Variants in ABI3 observed in about 807,000 individuals in gnomAD.
ABI3 encodes the protein ABI gene family member 3.
A neutral mutation model predicts 37.0 loss-of-function variants in ABI3; 24 were observed. That is an observed-to-expected ratio of 0.65 (90% CI 0.47 to 0.91). The LOEUF (loss-of-function observed/expected upper bound fraction) is 0.91, where lower values mean the gene tolerates loss of function less well. Ranked by LOEUF, ABI3 falls within the 40% of genes least tolerant of loss-of-function variation. The pLI is 0.00. For synonymous variants in ABI3, 220 were observed against 211.8 expected, an observed-to-expected ratio of 1.04 and a Z score of -0.34; for missense variants, 481 against 485.1, an observed-to-expected ratio of 0.99 and a Z score of 0.08.
chr17:49,211,788 G>A (rs2043170215), intron 1 of ABI3, among the ~76,000 whole-genome samples: 1 of 152,110 alleles, frequency 6.6e-6, no homozygotes, highest in Non-Finnish European at 1.5e-5. Context: ...GGAATTACAG[G>A]CATGCACCAC....
chr17:49,216,605 G>A lies in ABI3; in HGVS notation c.192G>A (p.Gln64=). 1 of 1,611,816 alleles carries A rather than the reference G, an allele frequency of 6.2e-7. No homozygotes were observed. The highest frequency in any genetic ancestry group is 8.5e-7 in the Non-Finnish European group (1 of 1,179,204). The part of the protein sequence containing the change: ...TTQALASVAY[Q]VGNLAGHTLR... ...AGGCACTGGCCAGCGTGGCCTACCA[G>A]GTGGGCAACCTGGCCGGGCACACTC... Residue 64 remains glutamine (Q), a synonymous_variant, in exon 2 of 8, where the codon CAG becomes CAA. Coordinates refer to ENST00000225941, the MANE Select transcript of ABI3 (RefSeq NM_016428.3).
At chr17:49,216,806 A>C (rs931496051) in intron 2 of ABI3, 108 bp downstream of exon 2, 2 of 1,266,750 alleles carry the variant, frequency 1.6e-6, no homozygotes, top group Non-Finnish European at 2.1e-6. Context: ...CTCCATGTCC[A>C]AATGCCCAAC....
At chr17:49,213,763 C>T (rs2043193398) in intron 1 of ABI3, among the ~76,000 whole-genome samples, 1 of 152,166 alleles carries the variant, frequency 6.6e-6, no homozygotes, top group African/African-American at 2.4e-5. Context: ...AACAATTCCA[C>T]ATGTTCGTTT....
intron 1 of ABI3, among the ~76,000 whole-genome samples, chr17:49,214,195 C>T (rs536025547): frequency 1.3e-5 from 2 of 152,246 alleles, no homozygotes; most frequent in East Asian, 3.9e-4. Context: ...GAGGGGCACC[C>T]GAGGGCTCAA....
chr17:49,220,705 G>A (rs1401181121), intron 6 of ABI3, among the ~76,000 whole-genome samples: 1 of 152,012 alleles, frequency 6.6e-6, no homozygotes, highest in Non-Finnish European at 1.5e-5. Flanking sequence ...TTGACCGGGC[G>A]TGGTGGCGCA....
chr17:49,214,329 G>T (rs764369898), intron 1 of ABI3, among the ~76,000 whole-genome samples: 12 of 152,262 alleles, frequency 7.9e-5, no homozygotes, highest in Middle Eastern at 3.4e-3. Context: ...TCCATGACCC[G>T]ACCAGAGATG....
intron 1 of ABI3, among the ~76,000 whole-genome samples, chr17:49,211,934 C>T (rs2043172019): frequency 6.7e-6 from 1 of 149,032 alleles, no homozygotes; most frequent in African/African-American, 2.5e-5. Flanking sequence ...GAGTGAGCCA[C>T]TGTGCCCAGC....
Position 49,219,696 on chromosome 17 carries a change from C to T in ABI3, c.548+71C>T. The T allele has an allele frequency of 6.8e-7, 1 of 1,476,420 alleles. No individual in the cohort carries two copies. The highest frequency in any genetic ancestry group is 9.2e-7 in the Non-Finnish European group (1 of 1,083,908). The allele number at this position is 1,476,420 out of a possible 1,614,324, so 91.5% of individuals were successfully genotyped here. On this transcript the variant is annotated intron_variant, in intron 4 of 7. Coordinates refer to ENST00000225941, the MANE Select transcript of ABI3 (RefSeq NM_016428.3). The surrounding 1 kb of genome is among the most constrained non-coding windows in gnomAD (Gnocchi z 4.3). ...GACCCTGAAACTCTCCTCCCCCAGC[C>T]TCGCCACCCACCCCTGGCGCCCCCG... is the stretch of plus-strand genomic sequence containing the variant.
intron 7 of ABI3, 41 bp downstream of exon 7, chr17:49,222,266 C>A: frequency 6.3e-7 from 1 of 1,591,042 alleles, no homozygotes; most frequent in Non-Finnish European, 8.6e-7. Context: ...GATCCCACTT[C>A]CTCTGTTGCC....
In ABI3 at chr17:49,210,874, GC is replaced by G. The variant is rs2043158952; in HGVS notation, c.117+38del. ...GAGCGGGCGGAAGCCTGACACCCCA[GC>G]CCCCGGAGGGGGGACCCTGAGCCCT... On this transcript the variant is annotated intron_variant, in intron 1 of 7. Coordinates refer to ENST00000225941, the MANE Select transcript of ABI3 (RefSeq NM_016428.3). The surrounding 1 kb of genome is among the most constrained non-coding windows in gnomAD (Gnocchi z 4.2). 6.6e-7 allele frequency: 1 copy of G among 1,520,388 alleles called. No homozygotes were observed. Among genetic ancestry groups the G allele is most frequent in the Non-Finnish European group, 8.9e-7 (1 of 1,121,348 alleles). 94.2% of individuals were successfully genotyped at this position (1,520,388 alleles called of 1,614,324 possible). A position where few individuals can be genotyped will look rare whatever the true frequency, so the allele number is the denominator to read the frequency against.
At chr17:49,218,538 G>T (rs528462302) in intron 3 of ABI3, among the ~76,000 whole-genome samples, 1 of 152,060 alleles carries the variant, frequency 6.6e-6, no homozygotes, top group East Asian at 1.9e-4. Context: ...CCCCTTAAAG[G>T]GGAAACGACA....
At chr17:49,213,066 C>G (rs1363045494) in intron 1 of ABI3, among the ~76,000 whole-genome samples, 1 of 152,234 alleles carries the variant, frequency 6.6e-6, no homozygotes, top group Admixed American at 6.5e-5. Context: ...GGAACTGTGG[C>G]AAGTTTCTCC....
intron 6 of ABI3, 86 bp downstream of exon 6, chr17:49,220,412 C>A (rs1037779985): frequency 1.4e-6 from 2 of 1,474,460 alleles, no homozygotes; most frequent in African/African-American, 2.8e-5. Flanking sequence ...TTGGATCTGC[C>A]CCGGCCAGCC....
At chr17:49,212,309 G>A (rs1285983888) in intron 1 of ABI3, among the ~76,000 whole-genome samples, 1 of 152,006 alleles carries the variant, frequency 6.6e-6, no homozygotes, top group African/African-American at 2.4e-5. Flanking sequence ...CTCCCTACAC[G>A]CTATGTGACT....
chr17:49,212,892 C>T (rs987241693), intron 1 of ABI3, among the ~76,000 whole-genome samples: 12 of 152,348 alleles, frequency 7.9e-5, no homozygotes, highest in South Asian at 2.1e-4. Flanking sequence ...AGGCATGTTT[C>T]CTCTATGGAC....
In ABI3 at chr17:49,220,172, C is replaced by T. The variant is rs1211891945; in HGVS notation, c.648C>T (p.Ser216=). Residue 216 remains serine, a synonymous_variant, in exon 6 of 8, where the codon AGC becomes AGT. Transcript: ENST00000225941. ...AACCGGGCTCTCTGGTGTTCAGCAG[C>T]GCCGAAGGTGTCGGTGGGGCCCCCA... ...SSAFSLASAG[S]AEGVGGAPTP... 6 of 1,611,794 alleles carry T rather than the reference C, an allele frequency of 3.7e-6. No homozygotes were observed. The South Asian group carries it at 4.4e-5, about 12-fold the overall frequency.
chr17:49,221,751 T>C (rs1247030271), intron 6 of ABI3, among the ~76,000 whole-genome samples: 1 of 152,176 alleles, frequency 6.6e-6, no homozygotes, highest in Non-Finnish European at 1.5e-5. Context: ...AGTCTCACTC[T>C]GTCATCCAGG....
intron 2 of ABI3, 86 bp downstream of exon 2, chr17:49,216,784 C>G: frequency 1.5e-6 from 2 of 1,323,780 alleles, no homozygotes; most frequent in Non-Finnish European, 2.0e-6. Flanking sequence ...TCAAAAGTTC[C>G]TTCCTGCTTT....
Position 49,219,947 on chromosome 17 carries a change from C to T in ABI3, c.638C>T (p.Ser213Leu), listed in dbSNP as rs766418050. 4 of 1,545,518 alleles carry T rather than the reference C, an allele frequency of 2.6e-6. No individual in the cohort carries two copies. Among genetic ancestry groups the T allele is most frequent in the Non-Finnish European group, 3.5e-6 (4 of 1,150,864 alleles). Reference sequence around the variant, plus strand: ...GCCTCCTCTGCGTTTTCCCTGGCCTCGGCCGGGTGAGACCTACAAGCCCAC... The same window carrying T: ...GCCTCCTCTGCGTTTTCCCTGGCCTTGGCCGGGTGAGACCTACAAGCCCAC... The part of the protein sequence containing the change: ...SAASSAFSLA[S>L]AGSAEGVGGA... Residue 213 changes from serine (S) to leucine (L), a missense_variant, in exon 5 of 8, where the codon TCG (serine) becomes TTG (leucine). Ser to Leu is a moderately radical substitution (Grantham distance 145). Coordinates refer to ENST00000225941, the MANE Select transcript of ABI3 (RefSeq NM_016428.3). This position sits in a 1 kb window ranked among gnomAD's most constrained non-coding sequence, Gnocchi z 4.3.
Sources: allele counts gnomAD v4.1 joint callset (sites outside exome capture counted in the v4.1 genomes callset), GRCh38; gene constraint gnomAD v4.1.1; non-coding constraint Gnocchi (gnomAD v3.1); transcripts MANE v1.5; gene names NCBI Gene and HGNC (gene_info 2026-07-23, HGNC 2026-07-21).